The following CD74 variants were observed in gnomAD, a reference collection of about 807,000 sequenced individuals.
CD74 encodes CD74 molecule, also known as HLA class II histocompatibility antigen gamma chain.
In CD74, 20 loss-of-function variants were observed where a neutral mutation model predicts 37.1. The ratio of observed to expected loss-of-function variants is 0.54; its 90% CI spans 0.38 to 0.78. The LOEUF is 0.78. Ranked by LOEUF, CD74 falls within the 30% of genes least tolerant of loss-of-function variation. The pLI is 0.00. For synonymous variants in CD74, 150 were observed against 152.0 expected (o/e 0.99, Z 0.10); for missense variants, 338 against 389.5 (o/e 0.87, Z 1.11).
Position 150,403,300 on chromosome 5 carries a change from C to T in CD74, c.638G>A (p.Cys213Tyr), listed in dbSNP as rs1377757245. 1.2e-6 allele frequency: 2 copies of T among 1,614,000 alleles called. No homozygotes were observed. Among genetic ancestry groups the T allele is most frequent in the Non-Finnish European group, 1.7e-6 (2 of 1,179,902 alleles). The change falls in exon 7 of 9, where the codon TGC becomes TAC. Residue 213 changes from cysteine (C) to tyrosine (Y), a missense_variant. Transcript: ENST00000009530. The surrounding 1 kb of genome is among the most constrained non-coding windows in gnomAD (Gnocchi z 4.5). Reference protein sequence around the residue: ...TDAPPKVLTKCQEEVSHIPAV... With the variant: ...TDAPPKVLTKYQEEVSHIPAV... Reference sequence around the variant, plus strand: ...AGGGATGTGGCTGACCTCTTCCTGGCACTTGGTCAGTACTGAAGCGACAGG... The same window carrying T: ...AGGGATGTGGCTGACCTCTTCCTGGTACTTGGTCAGTACTGAAGCGACAGG...
In CD74 at chr5:150,406,610, T is replaced by C. The variant is rs79203186; in HGVS notation, c.378+271A>G. ...TGCATGATAGCAAGGTCTTTGAGAA[T>C]GGGAGAGGACAGTGAGATGCTATAG... On this transcript the variant is annotated intron_variant, in intron 3 of 8. Transcript: ENST00000009530. 4,176 of 590,780 alleles carry C rather than the reference T, an allele frequency of 7.1e-3. 141 individuals carry two copies. The highest frequency in any genetic ancestry group is 0.069 in the African/African-American group (3,719 of 53,812). The allele number at this position is 590,780 out of a possible 1,614,324, so 36.6% of individuals were successfully genotyped here.
chr5:150,405,835 G>GC (rs1769926369), intron 4 of CD74: 2 of 162,950 alleles, frequency 1.2e-5, no homozygotes, highest in African/African-American at 4.8e-5. Flanking sequence ...GCAGTGGCGT[G>GC]ATGATCTCGG....
intron 4 of CD74, 71 bp downstream of exon 4, chr5:150,406,188 G>T: frequency 9.0e-7 from 1 of 1,108,924 alleles, no homozygotes; most frequent in Non-Finnish European, 1.4e-6. Context: ...AGGTATACAG[G>T]CCTTGGAGCT....
Position 150,402,253 on chromosome 5 carries a change from G to A in CD74, c.881-3C>T, listed in dbSNP as rs142001873. On this transcript the variant is annotated splice_region_variant and splice_polypyrimidine_tract_variant and intron_variant, in intron 8 of 8. Coordinates refer to ENST00000009530, the MANE Select transcript of CD74 (RefSeq NM_001025159.3). This position sits in a 1 kb window ranked among gnomAD's most constrained non-coding sequence, Gnocchi z 4.2. ...CCTCTGCTGCTCTCACATGGGGACT[G>A]GAGAGAGAAGCAGCAGGTTGAGGTT... 3.0e-3 allele frequency: 4,715 copies of A among 1,593,002 alleles called. 21 individuals are homozygous for A. The highest frequency in any genetic ancestry group is 5.6e-3 in the Middle Eastern group (34 of 6,030).
At chr5:150,409,701 T>TAAA (rs1245310458) in intron 1 of CD74, among the ~76,000 whole-genome samples, 5 of 20,970 alleles carry the variant, frequency 2.4e-4, no homozygotes, top group African/African-American at 8.9e-4. Context: ...TCAAAAAACA[T>TAAA]AACAAAAAAA....
In CD74 at chr5:150,405,196, G is replaced by A. The variant is rs760288818; in HGVS notation, c.442-16C>T. On this transcript the variant is annotated splice_polypyrimidine_tract_variant and intron_variant, in intron 4 of 8. Transcript: ENST00000009530. ...GGTCAGCATTCTACAGGGTAGCAGG[G>A]CAGGAAGGATGGTTCAAGAAGAGCT... 6.4e-6 allele frequency: 10 copies of A among 1,569,868 alleles called. 1 individual carries two copies. The South Asian group carries it at 1.2e-4, about 18-fold the overall frequency.
At position 150,402,353 on chromosome 5, in the gene CD74, C is replaced by T. The variant is rs1251834663; in HGVS notation, c.881-103G>A. 1.1e-5 allele frequency: 10 copies of T among 919,008 alleles called. No homozygotes were observed. Among genetic ancestry groups the T allele is most frequent in the Middle Eastern group, 2.1e-4 (1 of 4,672 alleles). 56.9% of individuals were successfully genotyped at this position (919,008 alleles called of 1,614,324 possible). A position where few individuals can be genotyped will look rare whatever the true frequency, so the allele number is the denominator to read the frequency against. On this transcript the variant is annotated intron_variant, in intron 8 of 8. Transcript: ENST00000009530. The surrounding 1 kb of genome is among the most constrained non-coding windows in gnomAD (Gnocchi z 4.2). ...AGAGCAGTTAAGGACTGTCCACCCT[C>T]CCCTGCCCCCTGCTCAGGTCCAATA...
Position 150,406,926 on chromosome 5 carries a change from G to A in CD74, c.333C>T (p.Thr111=), listed in dbSNP as rs747646655. 2.6e-6 allele frequency: 4 copies of A among 1,548,818 alleles called. No individual in the cohort carries two copies. The highest frequency in any genetic ancestry group is 4.5e-5 in the Admixed American group (2 of 44,618). ...PKPVSKMRMA[T]PLLMQALPMG... ...TGGGCAGCGCCTGCATCAGCAGCGG[G>A]GTGGCCATGCGCATCTTGCTCACAG... is the stretch of plus-strand genomic sequence containing the variant. Residue 111 remains threonine (T), a synonymous_variant, in exon 3 of 9, where the codon ACC becomes ACT. Transcript: ENST00000009530.
intron 1 of CD74, among the ~76,000 whole-genome samples, chr5:150,411,567 G>A (rs1770342445): frequency 6.6e-6 from 1 of 152,206 alleles, no homozygotes; most frequent in Non-Finnish European, 1.5e-5. Flanking sequence ...GGGCATTGGG[G>A]TAATAGCCTT....
rs1401259653 is a variant in CD74 at position 150,402,859 on chromosome 5, T to C, written c.818-234A>G. ...CTCCTGGATGCTAGAGGATGGCGCGTGGATGGATGAAATTCACAGATGAAA... is the reference window on the plus strand; with the variant it reads ...CTCCTGGATGCTAGAGGATGGCGCGCGGATGGATGAAATTCACAGATGAAA... On this transcript the variant is annotated intron_variant, in intron 7 of 8. Transcript: ENST00000009530. This position sits in a 1 kb window ranked among gnomAD's most constrained non-coding sequence, Gnocchi z 4.2. Among the ~76,000 whole-genome samples, 2 of 152,054 alleles carry C rather than the reference T, an allele frequency of 1.3e-5. No individual in the cohort carries two copies. The highest frequency in any genetic ancestry group is 2.9e-5 in the Non-Finnish European group (2 of 68,012).
Position 150,402,494 on chromosome 5 carries a change from C to T in CD74, c.880+69G>A, listed in dbSNP as rs2151166942. The T allele has an allele frequency of 7.6e-7, 1 of 1,324,200 alleles. No homozygotes were observed. Among genetic ancestry groups the T allele is most frequent in the Non-Finnish European group, 1.1e-6 (1 of 915,044 alleles). 82.0% of individuals were successfully genotyped at this position (1,324,200 alleles called of 1,614,324 possible). ...GCCCAGCGTCACACTCCTTCACCTG[C>T]CCACAAAGGAGCTGGCCCTGCTGGG... On this transcript the variant is annotated intron_variant, in intron 8 of 8. Transcript: ENST00000009530. This position sits in a 1 kb window ranked among gnomAD's most constrained non-coding sequence, Gnocchi z 4.2.
At chr5:150,409,089 G>A (rs1344967233) in intron 1 of CD74, among the ~76,000 whole-genome samples, 1 of 152,150 alleles carries the variant, frequency 6.6e-6, no homozygotes, top group Non-Finnish European at 1.5e-5. Flanking sequence ...CAGGCATGGT[G>A]GCGTGCACCT....
intron 1 of CD74, among the ~76,000 whole-genome samples, chr5:150,409,158 G>A (rs1361796629): frequency 6.6e-6 from 1 of 152,014 alleles, no homozygotes; most frequent in African/African-American, 2.4e-5. Context: ...GGGAGGCGGA[G>A]GTTGCAGTGA....
At chr5:150,411,072 A>G (rs1770316464) in intron 1 of CD74, among the ~76,000 whole-genome samples, 1 of 152,238 alleles carries the variant, frequency 6.6e-6, no homozygotes, top group Admixed American at 6.5e-5. Context: ...TTACTTGGGT[A>G]AGTCACTTAC....
chr5:150,402,154 A>G lies in CD74; in HGVS notation c.*86T>C, dbSNP rs547538483. On this transcript the variant is annotated 3_prime_UTR_variant, in exon 9 of 9. Coordinates refer to ENST00000009530, the MANE Select transcript of CD74 (RefSeq NM_001025159.3). This position sits in a 1 kb window ranked among gnomAD's most constrained non-coding sequence, Gnocchi z 4.2. ...CATGGGATGAGGTACAGGGTGGGAG[A>G]TGGGGGAGGGGCTGGGGGCTGAAGG... 2 of 1,278,922 alleles carry G rather than the reference A, an allele frequency of 1.6e-6. No homozygotes were observed. The highest frequency in any genetic ancestry group is 1.3e-5 in the South Asian group (1 of 78,766). The allele number at this position is 1,278,922 out of a possible 1,614,324, so 79.2% of individuals were successfully genotyped here. A position where few individuals can be genotyped will look rare whatever the true frequency, so the allele number is the denominator to read the frequency against.
chr5:150,412,568 A>G (rs1051059677), intron 1 of CD74, 57 bp downstream of exon 1: 3 of 1,320,740 alleles, frequency 2.3e-6, no homozygotes, highest in African/African-American at 2.9e-5. Context: ...TTCCCAGCAC[A>G]TGCGCACGGC....
intron 1 of CD74, among the ~76,000 whole-genome samples, chr5:150,409,723 C>T (rs76925462): frequency 1.0e-5 from 1 of 99,920 alleles, no homozygotes; most frequent in African/African-American, 3.3e-5. Flanking sequence ...AAAAAAAAAA[C>T]AAGAAAGCCC....
At chr5:150,411,778 T>C (rs979108980) in intron 1 of CD74, among the ~76,000 whole-genome samples, 1 of 152,054 alleles carries the variant, frequency 6.6e-6, no homozygotes, top group Non-Finnish European at 1.5e-5. Context: ...CCCCAACATC[T>C]CACAATCCCT....
Position 150,412,877 on chromosome 5 carries a change from C to G in CD74, c.-128G>C. 3 of 1,532,660 alleles carry G rather than the reference C, an allele frequency of 2.0e-6. No individual in the cohort carries two copies. The highest frequency in any genetic ancestry group is 1.4e-5 in the African/African-American group (1 of 73,156). 94.9% of individuals were successfully genotyped at this position (1,532,660 alleles called of 1,614,324 possible). ...AAAGCTACAAAGGCTGGAAATACCC[C>G]ACTTTGGTGAAGCTGCCTTTTGCGG... On this transcript the variant is annotated 5_prime_UTR_variant, in exon 1 of 9. Transcript: ENST00000009530.
Sources: allele counts gnomAD v4.1 joint callset (sites outside exome capture counted in the v4.1 genomes callset), GRCh38; gene constraint gnomAD v4.1.1; non-coding constraint Gnocchi (gnomAD v3.1); transcripts MANE v1.5; gene names NCBI Gene and HGNC (gene_info 2026-07-23, HGNC 2026-07-21).